FBLN2: variants seen among roughly 807,000 people sequenced by gnomAD.
FBLN2 encodes fibulin-2.
Under a neutral mutation model 123.7 loss-of-function variants are expected in FBLN2, and 81 were observed. That is an observed-to-expected ratio of 0.65 (90% CI 0.55 to 0.79). The LOEUF (loss-of-function observed/expected upper bound fraction) is 0.79. FBLN2 is among the 30% of genes least tolerant of loss of function. The pLI is 0.00. For synonymous variants in FBLN2, 699 were observed against 701.4 expected (o/e 1.00, Z 0.05); for missense variants, 1,603 against 1,681.3 (o/e 0.95, Z 0.81).
At chr3:13,572,960 C>T (rs908570887) in intron 2 of FBLN2, among the ~76,000 whole-genome samples, 1 of 152,088 alleles carries the variant, frequency 6.6e-6, no homozygotes, top group Non-Finnish European at 1.5e-5. Flanking sequence ...TTGAAACCCC[C>T]GTGGGCCAAC....
At chr3:13,620,584 G>A (rs1705817111) in intron 8 of FBLN2, among the ~76,000 whole-genome samples, 1 of 152,184 alleles carries the variant, frequency 6.6e-6, no homozygotes, top group African/African-American at 2.4e-5. Flanking sequence ...TGAGGCCATT[G>A]GATCCAGCAC....
chr3:13,609,673 G>GGT, intron 4 of FBLN2, 31 bp downstream of exon 4: 1 of 1,532,894 alleles, frequency 6.5e-7, no homozygotes, highest in Non-Finnish European at 8.8e-7. Flanking sequence ...TCAAGGCAGG[G>GGT]TGGGGTGGGG....
chr3:13,611,019 G>T (rs1352003294), intron 4 of FBLN2, among the ~76,000 whole-genome samples: 1 of 151,986 alleles, frequency 6.6e-6, no homozygotes, highest in Non-Finnish European at 1.5e-5. Flanking sequence ...CAATTCTCCT[G>T]CCTCAGCCTC....
chr3:13,605,098 C>T (rs1226655342), intron 2 of FBLN2, among the ~76,000 whole-genome samples: 1 of 152,172 alleles, frequency 6.6e-6, no homozygotes, highest in African/African-American at 2.4e-5. Context: ...GACCCAGGCC[C>T]ATCAGGCTCA....
chr3:13,616,789 T>C (rs965404087), intron 5 of FBLN2, among the ~76,000 whole-genome samples: 10 of 152,184 alleles, frequency 6.6e-5, no homozygotes, highest in African/African-American at 2.4e-4. Context: ...AGCCTTCTTT[T>C]CCACTCTCAC....
chr3:13,627,309 G>C (rs931007824), intron 10 of FBLN2, among the ~76,000 whole-genome samples: 1 of 152,160 alleles, frequency 6.6e-6, no homozygotes, highest in Non-Finnish European at 1.5e-5. Flanking sequence ...GACAGTCTCC[G>C]GGGTTGGAGC....
chr3:13,614,245 A>C, intron 5 of FBLN2, 81 bp downstream of exon 5: 2 of 1,374,798 alleles, frequency 1.5e-6, no homozygotes, highest in Non-Finnish European at 2.0e-6. Flanking sequence ...CCCTGGGTCC[A>C]TCATCACCTG....
chr3:13,621,639 TAC>T (rs1705853637), intron 8 of FBLN2, 134 bp from the exon 9 acceptor site: 6 of 867,434 alleles, frequency 6.9e-6, no homozygotes, highest in African/African-American at 5.1e-5. Flanking sequence ...AAGGCCCAGC[TAC>T]ACACAGTCAG....
rs754219098 is a variant in FBLN2, at chr3:13,621,858, A to G, written c.2239A>G (p.Asn747Asp). The G allele has an allele frequency of 6.2e-7, 1 of 1,613,858 alleles. No homozygotes were observed. The highest frequency in any genetic ancestry group is 8.5e-7 in the Non-Finnish European group (1 of 1,179,760). The part of the protein sequence containing the change: ...VNTLGSFYCV[N>D]HTVLCADGYI... ...CACCCTGGGATCCTTCTACTGTGTC[A>G]ACCACACAGTGCTCTGTGCCGATGG... Residue 747 changes from asparagine (N) to aspartate (D), a missense_variant, in exon 9 of 18, where the codon AAC (asparagine) becomes GAC (aspartate). By Grantham distance (23) the Asn-to-Asp change is conservative. Coordinates refer to ENST00000404922, the MANE Select transcript of FBLN2 (RefSeq NM_001004019.2).
At chr3:13,613,834 G>A (rs1461665864) in intron 4 of FBLN2, 150 bp from the exon 5 acceptor site, 5 of 764,198 alleles carry the variant, frequency 6.5e-6, no homozygotes, top group Non-Finnish European at 1.0e-5. Flanking sequence ...GGGAAATAGA[G>A]GCAGAGGACC....
Position 13,638,091 on chromosome 3 carries a change from C to A in FBLN2, c.*172C>A. The A allele has an allele frequency of 1.4e-6, 1 of 702,492 alleles. No individual in the cohort carries two copies. The highest frequency in any genetic ancestry group is 2.4e-6 in the Non-Finnish European group (1 of 415,374). 43.5% of individuals were successfully genotyped at this position (702,492 alleles called of 1,614,324 possible). A position where few individuals can be genotyped will look rare whatever the true frequency, so the allele number is the denominator to read the frequency against. ...CTCTGCCCCGCAGGAGGAAGTTCCA[C>A]GGCAGGTGGTGCGTTCCCACGCAGG... On this transcript the variant is annotated 3_prime_UTR_variant, in exon 18 of 18. Coordinates refer to ENST00000404922, the MANE Select transcript of FBLN2 (RefSeq NM_001004019.2).
At chr3:13,637,500 TC>T (rs1706517536) in intron 17 of FBLN2, 61 bp from the exon 18 acceptor site, 5 of 1,438,058 alleles carry the variant, frequency 3.5e-6, no homozygotes, top group African/African-American at 2.8e-5. Context: ...GCCATCTGTG[TC>T]CCCGTCTGGG....
Position 13,638,065 on chromosome 3 carries a change from C to T in FBLN2, c.*146C>T, listed in dbSNP as rs1289370015. 2 of 764,932 alleles carry T rather than the reference C, an allele frequency of 2.6e-6. No homozygotes were observed. Among genetic ancestry groups the T allele is most frequent in the Non-Finnish European group, 4.2e-6 (2 of 472,212 alleles). 47.4% of individuals were successfully genotyped at this position (764,932 alleles called of 1,614,324 possible). ...TGACTCCTGTGGCTTCTGGACCCCTCCTCTGCCCCGCAGGAGGAAGTTCCA... is the reference window on the plus strand; with the variant it reads ...TGACTCCTGTGGCTTCTGGACCCCTTCTCTGCCCCGCAGGAGGAAGTTCCA... On this transcript the variant is annotated 3_prime_UTR_variant, in exon 18 of 18. Transcript: ENST00000404922.
chr3:13,613,419 G>A (rs368238888), intron 4 of FBLN2, among the ~76,000 whole-genome samples: 22 of 152,202 alleles, frequency 1.4e-4, no homozygotes, highest in African/African-American at 4.6e-4. Context: ...CTGGGCTAGC[G>A]TAGATCTACA....
At chr3:13,601,679 T>C (rs774111320) in intron 2 of FBLN2, among the ~76,000 whole-genome samples, 4 of 152,172 alleles carry the variant, frequency 2.6e-5, no homozygotes, top group African/African-American at 4.8e-5. Flanking sequence ...GAGATATGGC[T>C]ATGAGGAAGA....
In FBLN2 at chr3:13,627,793, C is replaced by T. The variant is rs191112543; in HGVS notation, c.2432-39C>T. On this transcript the variant is annotated intron_variant, in intron 10 of 17. Transcript: ENST00000404922. ...GGGCTGCTGAGTGTAAAGGCAGGAC[C>T]TGCCCCCCAGCCCTTGACACCCAGC... 44 of 1,589,628 alleles carry T rather than the reference C, an allele frequency of 2.8e-5. No homozygotes were observed. In the African/African-American group the frequency reaches 5.4e-4, roughly 19 times the overall value.
intron 9 of FBLN2, among the ~76,000 whole-genome samples, chr3:13,626,202 G>C (rs1377463522): frequency 6.6e-6 from 1 of 152,216 alleles, no homozygotes; most frequent in Non-Finnish European, 1.5e-5. Flanking sequence ...AGGGATTTCT[G>C]TCTTGGTCAC....
chr3:13,582,770 T>A (rs1203491003), intron 2 of FBLN2, among the ~76,000 whole-genome samples: 1 of 152,248 alleles, frequency 6.6e-6, no homozygotes, highest in African/African-American at 2.4e-5. Flanking sequence ...CACAGAGTGC[T>A]GCTCCGGGCC....
chr3:13,580,821 GCA>G (rs1356618746), intron 2 of FBLN2, among the ~76,000 whole-genome samples: 1 of 152,224 alleles, frequency 6.6e-6, no homozygotes, highest in Non-Finnish European at 1.5e-5. Context: ...CCTCCGTAGC[GCA>G]CACAGTGCAC....
Sources: allele counts gnomAD v4.1 joint callset (sites outside exome capture counted in the v4.1 genomes callset), GRCh38; gene constraint gnomAD v4.1.1; transcripts MANE v1.5; gene names NCBI Gene and HGNC (gene_info 2026-07-23, HGNC 2026-07-21).